The following CCBE1 variants were observed in gnomAD, a reference collection of about 807,000 sequenced individuals.
CCBE1 encodes the protein collagen and calcium-binding EGF domain-containing protein 1.
CCBE1 carries 37 observed loss-of-function variants against 50.0 expected under a neutral mutation model. The ratio of observed to expected loss-of-function variants is 0.74; its 90% CI spans 0.57 to 0.97. The LOEUF is 0.97. Ranked by LOEUF, CCBE1 falls within the 50% of genes least tolerant of loss-of-function variation. The pLI is 0.00. For missense variants in CCBE1, 538 were observed against 523.8 expected (o/e 1.03, Z -0.26); for synonymous variants, 234 against 203.7 (o/e 1.15, Z -1.27).
intron 2 of CCBE1, among the ~76,000 whole-genome samples, chr18:59,534,702 T>C (rs1915181360): frequency 6.6e-6 from 1 of 152,224 alleles, no homozygotes; most frequent in Admixed American, 6.5e-5. Context: ...TCCAGGTCAT[T>C]TCTGATGTCC....
chr18:59,680,655 T>C (rs1320993656), intron 2 of CCBE1, among the ~76,000 whole-genome samples: 1 of 149,586 alleles, frequency 6.7e-6, no homozygotes, highest in Non-Finnish European at 1.5e-5. Flanking sequence ...CCGAGATTGC[T>C]GCCACTGCAC....
chr18:59,432,998 T>C lies in CCBE1; in HGVS notation c.*2910A>G, dbSNP rs1206370509. ...ATCCATCCACACCCTTTAAATACCA[T>C]GCTCCACAAGCAGGCAAACATTAAA... On this transcript the variant is annotated 3_prime_UTR_variant, in exon 11 of 11. Coordinates refer to ENST00000439986, the MANE Select transcript of CCBE1 (RefSeq NM_133459.4). The C allele has an allele frequency of 6.6e-6, 1 of 152,006 alleles. No individual in the cohort carries two copies. The highest frequency in any genetic ancestry group is 2.4e-5 in the African/African-American group (1 of 41,390). The allele number at this position is 152,006 out of a possible 1,614,324, so 9.4% of individuals were successfully genotyped here. A position where few individuals can be genotyped will look rare whatever the true frequency, so the allele number is the denominator to read the frequency against.
At chr18:59,484,577 A>G (rs1166595204) in intron 2 of CCBE1, among the ~76,000 whole-genome samples, 2 of 152,258 alleles carry the variant, frequency 1.3e-5, no homozygotes, top group Admixed American at 6.5e-5. Context: ...CCTTTTCATG[A>G]AATCAGATAA....
chr18:59,559,021 T>C (rs1036600888), intron 2 of CCBE1, among the ~76,000 whole-genome samples: 1 of 151,606 alleles, frequency 6.6e-6, no homozygotes, highest in Non-Finnish European at 1.5e-5. Flanking sequence ...GATCTGACAA[T>C]TGGTGATGAG....
chr18:59,480,244 A>G lies in CCBE1; in HGVS notation c.213-6T>C, dbSNP rs1912509044. On this transcript the variant is annotated splice_polypyrimidine_tract_variant and splice_region_variant and intron_variant, in intron 2 of 10. Coordinates refer to ENST00000439986, the MANE Select transcript of CCBE1 (RefSeq NM_133459.4). ...ATCCTTTGCAGCACTTTTTCCTAAGAGACAAACAAACATTTAAAATATAAT... is the reference window on the plus strand; with the variant it reads ...ATCCTTTGCAGCACTTTTTCCTAAGGGACAAACAAACATTTAAAATATAAT... The G allele has an allele frequency of 5.1e-6, 8 of 1,576,868 alleles. No homozygotes were observed. Among genetic ancestry groups the G allele is most frequent in the African/African-American group, 1.3e-5 (1 of 74,154 alleles).
At chr18:59,635,251 C>T (rs776980334) in intron 2 of CCBE1, among the ~76,000 whole-genome samples, 1 of 152,226 alleles carries the variant, frequency 6.6e-6, no homozygotes, top group Non-Finnish European at 1.5e-5. Flanking sequence ...TCTAGAATTG[C>T]GGATATGGCT....
chr18:59,603,708 C>G (rs1226929827), intron 2 of CCBE1, among the ~76,000 whole-genome samples: 6 of 152,202 alleles, frequency 3.9e-5, no homozygotes, highest in African/African-American at 1.4e-4. Flanking sequence ...CTTCCCTTAT[C>G]TTTCTATAAA....
At position 59,675,610 on chromosome 18, in the gene CCBE1, G is replaced by A. The variant is rs566762196; in HGVS notation, c.212+21019C>T. Among the ~76,000 whole-genome samples the A allele has an allele frequency of 4.6e-5, 7 of 152,068 alleles. No individual in the cohort carries two copies. The South Asian group carries it at 6.2e-4, about 14-fold the overall frequency. On this transcript the variant is annotated intron_variant, in intron 2 of 10. Transcript: ENST00000439986. ...TTGATAATCCCCAGTGATTGTGAACGTACAAGCATTACTGAGTTAAAGGAA... is the reference window on the plus strand; with the variant it reads ...TTGATAATCCCCAGTGATTGTGAACATACAAGCATTACTGAGTTAAAGGAA...
chr18:59,627,642 G>C (rs1429411813), intron 2 of CCBE1, among the ~76,000 whole-genome samples: 1 of 152,170 alleles, frequency 6.6e-6, no homozygotes, highest in African/African-American at 2.4e-5. Flanking sequence ...AATTCCATGT[G>C]ACAGAAGAGG....
intron 2 of CCBE1, among the ~76,000 whole-genome samples, chr18:59,484,164 G>A (rs923108188): frequency 3.9e-5 from 6 of 152,138 alleles, no homozygotes; most frequent in Admixed American, 3.3e-4. Flanking sequence ...AGGAAAACTG[G>A]CTTGAGTATT....
intron 2 of CCBE1, among the ~76,000 whole-genome samples, chr18:59,499,844 T>C (rs1170618793): frequency 6.6e-6 from 1 of 152,110 alleles, no homozygotes; most frequent in African/African-American, 2.4e-5. Context: ...TAAAGCCTGT[T>C]TGTGTGTGGT....
chr18:59,586,652 G>A lies in CCBE1; in HGVS notation c.213-106414C>T, dbSNP rs575407151. Among the ~76,000 whole-genome samples, 4 of 152,330 alleles carry A rather than the reference G, an allele frequency of 2.6e-5. No homozygotes were observed. In the South Asian group the frequency reaches 8.3e-4, roughly 32 times the overall value. On this transcript the variant is annotated intron_variant, in intron 2 of 10. Transcript: ENST00000439986. ...AAAAGTTGGCCAGCACTGCAAGGGA[G>A]CTCAGCATCCAGAATGGACCTCCTC...
At chr18:59,679,563 A>T (rs2054557601) in intron 2 of CCBE1, among the ~76,000 whole-genome samples, 1 of 152,262 alleles carries the variant, frequency 6.6e-6, no homozygotes, top group South Asian at 2.1e-4. Context: ...CCATTGGCAT[A>T]TCTGAAAACT....
chr18:59,579,044 G>A (rs1283738944), intron 2 of CCBE1, among the ~76,000 whole-genome samples: 1 of 152,106 alleles, frequency 6.6e-6, no homozygotes, highest in African/African-American at 2.4e-5. Context: ...CTGGCTTAAA[G>A]ACAGATTTCA....
intron 2 of CCBE1, among the ~76,000 whole-genome samples, chr18:59,528,094 C>G (rs1914900678): frequency 6.6e-6 from 1 of 152,152 alleles, no homozygotes; most frequent in East Asian, 1.9e-4. Context: ...CTCTGTTCTC[C>G]CCTTCTCTTT....
chr18:59,494,125 C>CAA (rs1913237350), intron 2 of CCBE1, among the ~76,000 whole-genome samples: 2 of 152,202 alleles, frequency 1.3e-5, no homozygotes, highest in Admixed American at 6.5e-5. Context: ...CAGAGCAATA[C>CAA]AAGCTTCGTA....
chr18:59,498,663 T>C (rs915656708), intron 2 of CCBE1, among the ~76,000 whole-genome samples: 10 of 152,232 alleles, frequency 6.6e-5, no homozygotes, highest in Non-Finnish European at 1.2e-4. Flanking sequence ...GCAGAAGTTT[T>C]AGTGTTGTAG....
Position 59,671,831 on chromosome 18 carries a change from T to G in CCBE1, c.212+24798A>C, listed in dbSNP as rs11453498. Among the ~76,000 whole-genome samples the G allele has an allele frequency of 8.1e-3, 1,066 of 132,252 alleles. 4 individuals carry two copies. Among genetic ancestry groups the G allele is most frequent in the South Asian group, 0.016 (62 of 3,794 alleles). The allele number at this position is 132,252 out of a possible 152,430, so 86.8% of individuals were successfully genotyped here. The stretch of plus-strand genomic sequence containing the variant: ...GAAGGTTAAAAAAAAAGGGGGGGGG[T>G]AGTCAGTATTTACTCCTAGAGAGCA... On this transcript the variant is annotated intron_variant, in intron 2 of 10. Transcript: ENST00000439986.
At chr18:59,621,964 G>A (rs756024831) in intron 2 of CCBE1, among the ~76,000 whole-genome samples, 2 of 152,206 alleles carry the variant, frequency 1.3e-5, no homozygotes, top group South Asian at 2.1e-4. Context: ...CCATCTAAAC[G>A]ACACCCCAGC....
Sources: gnomAD v4.1 joint callset for allele counts (sites outside exome capture counted in the v4.1 genomes callset) on GRCh38, gnomAD v4.1.1 for gene constraint, MANE v1.5 for transcripts, NCBI Gene and HGNC (gene_info 2026-07-23, HGNC 2026-07-21) for gene names.